Variants in NMT2 observed in about 807,000 individuals in gnomAD.
NMT2 encodes glycylpeptide N-tetradecanoyltransferase 2.
In NMT2, 35 loss-of-function variants were observed where a neutral mutation model predicts 65.4. The observed-to-expected ratio is 0.54, with a 90% CI of 0.41 to 0.71. The LOEUF (loss-of-function observed/expected upper bound fraction) is 0.71, where lower values mean the gene tolerates loss of function less well. Among genes scored for constraint, NMT2 ranks in the 30% least tolerant of loss-of-function variants. The pLI is 0.00. For synonymous variants in NMT2, 226 were observed against 231.8 expected (o/e 0.98, Z 0.23); for missense variants, 489 against 611.3 (o/e 0.80, Z 2.11).
Position 15,107,734 on chromosome 10 carries a change from C to T in NMT2, c.*1461G>A, listed in dbSNP as rs551421451. On this transcript the variant is annotated 3_prime_UTR_variant, in exon 12 of 12. Transcript: ENST00000378165. ...CCTCCCAAAGTGCTGGGATTACAGG[C>T]GTGAGCCACCACACCCAGCCAAGGC... 1.0e-5 allele frequency: 10 copies of T among 981,940 alleles called. No individual in the cohort carries two copies. Among genetic ancestry groups the T allele is most frequent in the Admixed American group, 1.2e-4 (2 of 16,290 alleles). The allele number at this position is 981,940 out of a possible 1,614,324, so 60.8% of individuals were successfully genotyped here.
At chr10:15,128,552 T>C (rs951767322) in intron 7 of NMT2, 94 bp from the exon 8 acceptor site, 2 of 765,494 alleles carry the variant, frequency 2.6e-6, no homozygotes, top group Non-Finnish European at 4.5e-6. Context: ...AAGCATTTAC[T>C]GAATACTTAC....
chr10:15,138,276 G>T, intron 2 of NMT2: 1 of 447,498 alleles, frequency 2.2e-6, no homozygotes, highest in South Asian at 1.6e-5. Context: ...CTCCCAAAAT[G>T]TGGTGATTAC....
intron 1 of NMT2, among the ~76,000 whole-genome samples, chr10:15,143,801 G>A (rs1243181490): frequency 6.6e-6 from 1 of 152,174 alleles, no homozygotes; most frequent in Non-Finnish European, 1.5e-5. Context: ...GCTGCAGTGA[G>A]CCATGATCAT....
chr10:15,141,549 C>A lies in NMT2; in HGVS notation c.119G>T (p.Gly40Val). Reference sequence around the variant, plus strand: ...TTTCTTTTTGGCTCCCAAATACCCTCCAGGACTTCTGCAGGAAATGCAAAG... The same window carrying A: ...TTTCTTTTTGGCTCCCAAATACCCTACAGGACTTCTGCAGGAAATGCAAAG... ...EETEHAKGSP[G>V]GYLGAKKKKK... Residue 40 changes from glycine to valine, a missense_variant, in exon 2 of 12, where the codon GGA (glycine) becomes GTA (valine). Gly to Val is a moderately radical substitution (Grantham distance 109). Coordinates refer to ENST00000378165, the MANE Select transcript of NMT2 (RefSeq NM_004808.3). The A allele has an allele frequency of 6.2e-7, 1 of 1,610,360 alleles. No individual in the cohort carries two copies. Among genetic ancestry groups the A allele is most frequent in the Non-Finnish European group, 8.5e-7 (1 of 1,178,496 alleles).
At chr10:15,148,918 C>T (rs1463605586) in intron 1 of NMT2, among the ~76,000 whole-genome samples, 3 of 152,126 alleles carry the variant, frequency 2.0e-5, no homozygotes, top group Non-Finnish European at 4.4e-5. Flanking sequence ...CTCAATTTCA[C>T]CCATTGATTT....
chr10:15,107,268 G>A lies in NMT2; in HGVS notation c.*1927C>T. 1 of 844,810 alleles carries A rather than the reference G, an allele frequency of 1.2e-6. No individual in the cohort carries two copies. The allele number at this position is 844,810 out of a possible 1,614,324, so 52.3% of individuals were successfully genotyped here. A position where few individuals can be genotyped will look rare whatever the true frequency, so the allele number is the denominator to read the frequency against. On this transcript the variant is annotated 3_prime_UTR_variant, in exon 12 of 12. Coordinates refer to ENST00000378165, the MANE Select transcript of NMT2 (RefSeq NM_004808.3). ...GAAAATAAAAACATTCTTAGCCTGTGGGCTACACAAAAATAAGCAATGGGC... is the reference window on the plus strand; with the variant it reads ...GAAAATAAAAACATTCTTAGCCTGTAGGCTACACAAAAATAAGCAATGGGC...
chr10:15,113,628 G>A (rs1589291594), intron 9 of NMT2, among the ~76,000 whole-genome samples: 2 of 152,150 alleles, frequency 1.3e-5, no homozygotes, highest in East Asian at 3.9e-4. Flanking sequence ...AGGATTAGAG[G>A]GCTGCCTTCT....
intron 8 of NMT2, among the ~76,000 whole-genome samples, chr10:15,120,450 T>G (rs758465201): frequency 1.4e-4 from 22 of 152,104 alleles, no homozygotes; most frequent in South Asian, 4.1e-4. Context: ...AGGGAGGGAC[T>G]TCGTCTCAAA....
At chr10:15,162,574 A>G (rs959695764) in intron 1 of NMT2, among the ~76,000 whole-genome samples, 4 of 151,950 alleles carry the variant, frequency 2.6e-5, no homozygotes, top group African/African-American at 9.7e-5. Flanking sequence ...GCACACAACA[A>G]TAAGAGTCAG....
At chr10:15,152,327 G>C (rs1026512427) in intron 1 of NMT2, among the ~76,000 whole-genome samples, 3 of 152,166 alleles carry the variant, frequency 2.0e-5, no homozygotes, top group Admixed American at 6.5e-5. Context: ...GGATGGTAGA[G>C]GAAAGAAACA....
intron 7 of NMT2, among the ~76,000 whole-genome samples, chr10:15,128,991 G>A (rs1480956232): frequency 6.6e-6 from 1 of 152,158 alleles, no homozygotes; most frequent in African/African-American, 2.4e-5. Flanking sequence ...ATGGGCAACA[G>A]AGCAAGACCG....
intron 9 of NMT2, among the ~76,000 whole-genome samples, chr10:15,115,772 A>G (rs11259498): frequency 0.14 from 21,086 of 152,244 alleles, 2,570 homozygotes; most frequent in African/African-American, 0.33. Context: ...ACAATTTTTA[A>G]AAGCAGGTCT....
intron 1 of NMT2, among the ~76,000 whole-genome samples, chr10:15,164,932 G>C (rs1264997405): frequency 6.6e-6 from 1 of 152,212 alleles, no homozygotes; most frequent in Non-Finnish European, 1.5e-5. Context: ...TTGGGATGCA[G>C]AGGTGGGGAT....
chr10:15,138,259 C>T (rs1217720961), intron 2 of NMT2: 2 of 431,612 alleles, frequency 4.6e-6, no homozygotes, highest in Non-Finnish European at 9.6e-6. Context: ...GATCTGCCCG[C>T]CTTGGCCTCC....
chr10:15,164,259 G>T (rs1833303447), intron 1 of NMT2, among the ~76,000 whole-genome samples: 1 of 149,610 alleles, frequency 6.7e-6, no homozygotes, highest in Non-Finnish European at 1.5e-5. Context: ...TCATGTATCT[G>T]CCAACAAAAA....
chr10:15,133,222 T>G (rs1846347430), intron 4 of NMT2, 23 bp downstream of exon 4: 1 of 1,605,006 alleles, frequency 6.2e-7, no homozygotes, highest in South Asian at 1.1e-5. Context: ...GGAGTTGAAT[T>G]TAAGAGGTTT....
chr10:15,157,636 C>T (rs1224897408), intron 1 of NMT2, among the ~76,000 whole-genome samples: 1 of 152,086 alleles, frequency 6.6e-6, no homozygotes, highest in Non-Finnish European at 1.5e-5. Flanking sequence ...AAACTTGTTA[C>T]TAAGTACACT....
rs1424922602 is a variant in NMT2, at chr10:15,130,248, C to G, written c.784G>C (p.Ala262Pro). The G allele has an allele frequency of 2.5e-6, 4 of 1,607,594 alleles. No homozygotes were observed. The highest frequency in any genetic ancestry group is 1.3e-5 in the African/African-American group (1 of 74,822). ...VHKKLRSKRV[A>P]PVLIREITRR... ...GTGATCTCTCGGATTAGCACTGGGG[C>G]TACCCGTTTCGATCTCAACTTCTTA... The change falls in exon 7 of 12, where the codon GCC (alanine) becomes CCC (proline). Residue 262 changes from alanine (A) to proline (P), a missense_variant. Ala to Pro is a conservative substitution (Grantham distance 27, BLOSUM62 -1). Transcript: ENST00000378165.
Position 15,131,846 on chromosome 10 carries a change from A to C in NMT2, c.719+971T>G, listed in dbSNP as rs932561745. The stretch of plus-strand genomic sequence containing the variant: ...ATGTATCCTATGGAGAGAAAGCTTT[A>C]TCTCTCCTAAAAAATTTTTAAGTAA... On this transcript the variant is annotated intron_variant, in intron 6 of 11. Coordinates refer to ENST00000378165, the MANE Select transcript of NMT2 (RefSeq NM_004808.3). Among the ~76,000 whole-genome samples the C allele has an allele frequency of 5.3e-5, 8 of 152,132 alleles. No individual in the cohort carries two copies. In the South Asian group the frequency reaches 1.7e-3, roughly 32 times the overall value.
Sources: allele counts gnomAD v4.1 joint callset (sites outside exome capture counted in the v4.1 genomes callset), GRCh38; gene constraint gnomAD v4.1.1; transcripts MANE v1.5; gene names NCBI Gene and HGNC (gene_info 2026-07-23, HGNC 2026-07-21).